Variants in ZFP57 observed in about 807,000 individuals in gnomAD.
ZFP57 encodes the protein ZFP57 zinc finger protein, also known as zinc finger protein 57 homolog.
A neutral mutation model predicts 15.8 loss-of-function variants in ZFP57; 12 were observed. The ratio of observed to expected loss-of-function variants is 0.76; its 90% CI spans 0.49 to 1.23. ZFP57 has a LOEUF of 1.23. Ranked by LOEUF, ZFP57 falls within the 50% of genes most tolerant of loss-of-function variation. ZFP57 has a pLI of 0.00. For synonymous variants in ZFP57, 203 were observed against 242.3 expected (o/e 0.84, Z 1.51); for missense variants, 536 against 654.9 (o/e 0.82, Z 1.98).
intron 1 of ZFP57, among the ~76,000 whole-genome samples, chr6:29,678,604 T>C (rs1438508621): frequency 6.6e-6 from 1 of 151,828 alleles, no homozygotes; most frequent in African/African-American, 2.4e-5. Flanking sequence ...TTGAGAGAGA[T>C]ACCACATTCA....
At position 29,672,563 on chromosome 6, in the gene ZFP57, T is replaced by C. The variant is rs1771718721; in HGVS notation, c.1548A>G (p.Leu516=). 4 of 1,612,812 alleles carry C rather than the reference T, an allele frequency of 2.5e-6. No homozygotes were observed. In the South Asian group the frequency reaches 4.4e-5, roughly 18 times the overall value. The change falls in exon 5 of 5, where the codon CTA becomes CTG. Residue 516 remains leucine (L), a synonymous_variant. Coordinates refer to ENST00000376883, the MANE Select transcript of ZFP57 (RefSeq NM_001109809.5). ...TGTCTCCTTTGCAGGCCTTCTCTCT[T>C]AGGCCTCTTCTCCTGGGGGTATGGA... ...PRIHTPRRRG[L]REKACKGDKT... is the part of the protein sequence containing the mutation.
rs1771812341 is a variant in ZFP57 at position 29,673,176 on chromosome 6, T to C, written c.935A>G (p.Gln312Arg). The change falls in exon 5 of 5, where the codon CAG (glutamine) becomes CGG (arginine). Residue 312 changes from glutamine to arginine, a missense_variant. By Grantham distance (43) the Gln-to-Arg change is conservative. Transcript: ENST00000376883. This position sits in a 1 kb window ranked among gnomAD's most constrained non-coding sequence, Gnocchi z 4.7. ...ATCCAAAAGCCCCTGGATGGACCTC[T>C]GGCTTCTGGCGATGGGTGTCTGGAA... ...AEFQTPIARS[Q>R]RSIQGLLDVN... is the part of the protein sequence containing the mutation. 1 of 1,612,946 alleles carries C rather than the reference T, an allele frequency of 6.2e-7. No individual in the cohort carries two copies.
At chr6:29,676,492 C>A (rs531674407) in intron 2 of ZFP57, among the ~76,000 whole-genome samples, 1 of 144,290 alleles carries the variant, frequency 6.9e-6, no homozygotes, top group Non-Finnish European at 1.5e-5. Flanking sequence ...GCCAAGATCG[C>A]GCCACCGCAC....
chr6:29,674,617 G>A lies in ZFP57; in HGVS notation c.352+769C>T, dbSNP rs559463704. Among the ~76,000 whole-genome samples, 462 of 152,288 alleles carry A rather than the reference G, an allele frequency of 3.0e-3. 1 individual carries two copies. Among genetic ancestry groups the A allele is most frequent in the Non-Finnish European group, 5.5e-3 (372 of 68,018 alleles). On this transcript the variant is annotated intron_variant, in intron 4 of 4. Transcript: ENST00000376883. ...ATTAATAATCAAGCTGGGATGAGAA[G>A]TATAAACCAGGACTGTCCTGGAAAA...
intron 3 of ZFP57, 114 bp from the exon 4 acceptor site, chr6:29,675,601 C>T (rs1772029926): frequency 2.2e-6 from 2 of 899,992 alleles, no homozygotes; most frequent in Non-Finnish European, 3.8e-6. Flanking sequence ...TAACCTGGGA[C>T]ATGTAGATGC....
chr6:29,679,664 G>A (rs919393494), intron 1 of ZFP57, among the ~76,000 whole-genome samples: 2 of 152,134 alleles, frequency 1.3e-5, no homozygotes, highest in Admixed American at 6.5e-5. Context: ...CGAGGCGGGC[G>A]GATCACCTGA....
At chr6:29,674,177 A>AGAAGAAG (rs1771941973) in intron 4 of ZFP57, among the ~76,000 whole-genome samples, 1 of 150,770 alleles carries the variant, frequency 6.6e-6, no homozygotes, top group Non-Finnish European at 1.5e-5. Context: ...GAGAAGAAGA[A>AGAAGAAG]GAAGAAGGAA....
chr6:29,675,606 A>G, intron 3 of ZFP57, 119 bp from the exon 4 acceptor site: 1 of 875,238 alleles, frequency 1.1e-6, no homozygotes. Context: ...TGGGACATGT[A>G]GATGCGGAAA....
In ZFP57 at chr6:29,673,876, C is replaced by A. The variant is rs766727502; in HGVS notation, c.353-118G>T. 2.0e-5 allele frequency: 25 copies of A among 1,246,208 alleles called. No homozygotes were observed. The African/African-American group carries it at 2.7e-4, about 13-fold the overall frequency. 77.2% of individuals were successfully genotyped at this position (1,246,208 alleles called of 1,614,324 possible). A position where few individuals can be genotyped will look rare whatever the true frequency, so the allele number is the denominator to read the frequency against. On this transcript the variant is annotated intron_variant, in intron 4 of 4. Coordinates refer to ENST00000376883, the MANE Select transcript of ZFP57 (RefSeq NM_001109809.5). The surrounding 1 kb of genome is among the most constrained non-coding windows in gnomAD (Gnocchi z 4.7). ...TGGGAGGCCGAGGCCAGCGGATCAC[C>A]TGAGGTTAGGAGTTCGAAACCAGCC...
chr6:29,675,914 G>A lies in ZFP57; in HGVS notation c.250+19C>T. The A allele has an allele frequency of 6.2e-7, 1 of 1,613,020 alleles. No individual in the cohort carries two copies. The highest frequency in any genetic ancestry group is 8.5e-7 in the Non-Finnish European group (1 of 1,179,992). On this transcript the variant is annotated intron_variant, in intron 3 of 4. Coordinates refer to ENST00000376883, the MANE Select transcript of ZFP57 (RefSeq NM_001109809.5). Reference sequence around the variant, plus strand: ...GCCCTTAGGACAGGGGGCTTGCTGAGGGAAGCCCAGCCTCTTACCCACAGA... The same window carrying A: ...GCCCTTAGGACAGGGGGCTTGCTGAAGGAAGCCCAGCCTCTTACCCACAGA...
At position 29,673,686 on chromosome 6, in the gene ZFP57, A is replaced by G. The variant is rs1424559396; in HGVS notation, c.425T>C (p.Phe142Ser). The G allele has an allele frequency of 6.2e-7, 1 of 1,613,046 alleles. No homozygotes were observed. Among genetic ancestry groups the G allele is most frequent in the East Asian group, 2.2e-5 (1 of 44,888 alleles). The change falls in exon 5 of 5, where the codon TTC (phenylalanine) becomes TCC (serine). Residue 142 changes from phenylalanine (F) to serine (S), a missense_variant. Physicochemically the swap from Phe to Ser is radical, Grantham distance 155 (BLOSUM62 -2). Transcript: ENST00000376883. This position sits in a 1 kb window ranked among gnomAD's most constrained non-coding sequence, Gnocchi z 4.7. ...CTGGCCGGCCCCTCTGCATGCAAGGAAGACCTTGTCATCACTAGTCCCCTC... is the reference window on the plus strand; with the variant it reads ...CTGGCCGGCCCCTCTGCATGCAAGGGAGACCTTGTCATCACTAGTCCCCTC... ...RDEGTSDDKVFLACRGAGQCP... is the reference protein window; with the variant it reads ...RDEGTSDDKVSLACRGAGQCP...
rs1772021288 is a variant in ZFP57 at position 29,675,431 on chromosome 6, G to C, written c.307C>G (p.Gln103Glu). Residue 103 changes from glutamine (Q) to glutamate (E), a missense_variant, in exon 4 of 5, where the codon CAG becomes GAG. Transcript: ENST00000376883. ...LITKLEQEEEQWREFVHLPNT... is the reference protein window; with the variant it reads ...LITKLEQEEEEWREFVHLPNT... ...GGGAGATGGACAAACTCTCTCCACT[G>C]TTCCTCTTCTTGCTCAAGCTTGGTG... is the stretch of plus-strand genomic sequence containing the variant. The C allele has an allele frequency of 1.2e-6, 2 of 1,613,968 alleles. No individual in the cohort carries two copies. Among genetic ancestry groups the C allele is most frequent in the Non-Finnish European group, 1.7e-6 (2 of 1,180,016 alleles).
intron 1 of ZFP57, among the ~76,000 whole-genome samples, chr6:29,679,708 G>C (rs1440993918): frequency 6.6e-6 from 1 of 152,070 alleles, no homozygotes; most frequent in Non-Finnish European, 1.5e-5. Flanking sequence ...GACCAACATG[G>C]ACCTCGTCTC....
chr6:29,673,407 A>G lies in ZFP57; in HGVS notation c.704T>C (p.Leu235Pro), dbSNP rs1160694383. The change falls in exon 5 of 5, where the codon CTC becomes CCC. Residue 235 changes from leucine to proline, a missense_variant. Physicochemically the swap from Leu to Pro is moderately conservative, Grantham distance 98. Coordinates refer to ENST00000376883, the MANE Select transcript of ZFP57 (RefSeq NM_001109809.5). This position sits in a 1 kb window ranked among gnomAD's most constrained non-coding sequence, Gnocchi z 4.7. ...AGCATCACAGTAGGTCTTGTCACAG[A>G]GCGTGCAACAGAAGGGCCTCTCCCC... is the stretch of plus-strand genomic sequence containing the variant. Reference protein sequence around the residue: ...HLGERPFCCTLCDKTYCDASG... With the variant: ...HLGERPFCCTPCDKTYCDASG... 6 of 1,613,032 alleles carry G rather than the reference A, an allele frequency of 3.7e-6. No homozygotes were observed. Among genetic ancestry groups the G allele is most frequent in the Non-Finnish European group, 5.1e-6 (6 of 1,180,032 alleles).
At chr6:29,679,670 C>T (rs1052356740) in intron 1 of ZFP57, among the ~76,000 whole-genome samples, 3 of 152,186 alleles carry the variant, frequency 2.0e-5, no homozygotes, top group Non-Finnish European at 4.4e-5. Context: ...GGGCGGATCA[C>T]CTGAGGTCAG....
intron 2 of ZFP57, 60 bp from the exon 3 acceptor site, chr6:29,676,119 T>TGTGTGTGTGTGTGTGA: frequency 6.7e-7 from 1 of 1,501,440 alleles, no homozygotes; most frequent in Non-Finnish European, 9.2e-7. Context: ...TGTGTGTGTG[T>TGTGTGTGTGTGTGTGA]GTGTGTACAA....
In ZFP57 at chr6:29,673,680, G is replaced by A; in HGVS notation, c.431C>T (p.Ala144Val). The A allele has an allele frequency of 6.2e-7, 1 of 1,613,004 alleles. No homozygotes were observed. The highest frequency in any genetic ancestry group is 8.5e-7 in the Non-Finnish European group (1 of 1,179,980). ...GGGGCACTGGCCGGCCCCTCTGCAT[G>A]CAAGGAAGACCTTGTCATCACTAGT... ...EGTSDDKVFL[A>V]CRGAGQCPLS... is the part of the protein sequence containing the mutation. The change falls in exon 5 of 5, where the codon GCA (alanine) becomes GTA (valine). Residue 144 changes from alanine to valine, a missense_variant. Transcript: ENST00000376883. This position sits in a 1 kb window ranked among gnomAD's most constrained non-coding sequence, Gnocchi z 4.7.
At chr6:29,675,176 A>AGG (rs1772008255) in intron 4 of ZFP57, among the ~76,000 whole-genome samples, 1 of 120,882 alleles carries the variant, frequency 8.3e-6, no homozygotes, top group Non-Finnish European at 1.8e-5. Context: ...AAAAAAAAAG[A>AGG]GAGAGAGAGA....
chr6:29,679,471 T>A (rs1025386278), intron 1 of ZFP57, among the ~76,000 whole-genome samples: 3 of 152,244 alleles, frequency 2.0e-5, no homozygotes, highest in Admixed American at 6.5e-5. Flanking sequence ...CCTTCCTTTC[T>A]TCCTCTCTCT....
Sources: gnomAD v4.1 joint callset for allele counts (sites outside exome capture counted in the v4.1 genomes callset) on GRCh38, gnomAD v4.1.1 for gene constraint, Gnocchi (gnomAD v3.1) non-coding constraint, MANE v1.5 for transcripts, NCBI Gene and HGNC (gene_info 2026-07-23, HGNC 2026-07-21) for gene names.